Variants in LRRC4C observed in about 807,000 individuals in gnomAD.
LRRC4C encodes leucine rich repeat containing 4C.
In LRRC4C, 5 loss-of-function variants were observed where a neutral mutation model predicts 33.6. The observed-to-expected ratio is 0.15, with a 90% CI of 0.08 to 0.31. LRRC4C has a LOEUF of 0.31. Ranked by LOEUF, LRRC4C falls within the 10% of genes least tolerant of loss-of-function variation. The probability of loss-of-function intolerance (pLI) is 1.00; values close to 1 mark genes in which losing one functional copy is unlikely to be tolerated. For missense variants in LRRC4C, 560 were observed against 796.7 expected, an observed-to-expected ratio of 0.70 and a Z score of 3.58; for synonymous variants, 329 against 302.0, an observed-to-expected ratio of 1.09 and a Z score of -0.93.
intron 1 of LRRC4C, among the ~76,000 whole-genome samples, chr11:41,028,354 A>G (rs1377596731): frequency 6.6e-6 from 1 of 151,706 alleles, no homozygotes; most frequent in Non-Finnish European, 1.5e-5. Flanking sequence ...TTGATTAAAT[A>G]GTAAGAATCT....
At chr11:40,147,703 AAC>A (rs993967119) in intron 5 of LRRC4C, among the ~76,000 whole-genome samples, 1 of 152,170 alleles carries the variant, frequency 6.6e-6, no homozygotes, top group Middle Eastern at 3.2e-3. Flanking sequence ...ATAATTAAAA[AAC>A]AGAATAATTG....
chr11:40,652,676 T>A (rs546146876), intron 2 of LRRC4C, among the ~76,000 whole-genome samples: 2 of 152,324 alleles, frequency 1.3e-5, no homozygotes, highest in East Asian at 1.9e-4. Context: ...CTCCAACAAT[T>A]GCTTCTACCT....
chr11:40,546,779 A>G (rs1487572766), intron 3 of LRRC4C, among the ~76,000 whole-genome samples: 1 of 152,088 alleles, frequency 6.6e-6, no homozygotes, highest in Non-Finnish European at 1.5e-5. Context: ...TTTCATACGC[A>G]CAACTGGGGA....
At chr11:41,129,259 T>C (rs1039700813) in intron 1 of LRRC4C, among the ~76,000 whole-genome samples, 1 of 151,964 alleles carries the variant, frequency 6.6e-6, no homozygotes, top group Non-Finnish European at 1.5e-5. Flanking sequence ...CCGTACCAAC[T>C]GCGAAGTGCA....
chr11:40,705,964 G>A (rs1946149616), intron 2 of LRRC4C, among the ~76,000 whole-genome samples: 1 of 152,140 alleles, frequency 6.6e-6, no homozygotes, highest in Non-Finnish European at 1.5e-5. Flanking sequence ...CAGTGATGAT[G>A]AGCATTTTTT....
At chr11:40,277,616 C>T (rs181426800) in intron 4 of LRRC4C, among the ~76,000 whole-genome samples, 249 of 152,072 alleles carry the variant, frequency 1.6e-3, no homozygotes, top group African/African-American at 5.8e-3. Context: ...TGAGAGGCAG[C>T]TCAGCATAGT....
chr11:40,761,549 C>G (rs940977358), intron 2 of LRRC4C, among the ~76,000 whole-genome samples: 1 of 152,076 alleles, frequency 6.6e-6, no homozygotes, highest in Admixed American at 6.6e-5. Flanking sequence ...AAATATGGTC[C>G]TAGATCTCTT....
At chr11:40,808,136 G>C (rs541725167) in intron 2 of LRRC4C, among the ~76,000 whole-genome samples, 1 of 152,124 alleles carries the variant, frequency 6.6e-6, no homozygotes, top group East Asian at 1.9e-4. Flanking sequence ...ACAAGAGTAA[G>C]AAATGTAGTA....
chr11:41,259,172 C>T (rs924731120), intron 1 of LRRC4C, among the ~76,000 whole-genome samples: 5 of 151,998 alleles, frequency 3.3e-5, no homozygotes, highest in African/African-American at 4.8e-5. Flanking sequence ...CTGGTGAGTT[C>T]GAACTTCTCA....
intron 3 of LRRC4C, among the ~76,000 whole-genome samples, chr11:40,430,095 G>A (rs1362821178): frequency 6.6e-6 from 1 of 152,090 alleles, no homozygotes; most frequent in Non-Finnish European, 1.5e-5. Flanking sequence ...GCAGAGCTTG[G>A]TATCTCCAAT....
At chr11:40,423,719 G>A (rs541492247) in intron 3 of LRRC4C, among the ~76,000 whole-genome samples, 1 of 152,164 alleles carries the variant, frequency 6.6e-6, no homozygotes, top group African/African-American at 2.4e-5. Flanking sequence ...CTTTTGTCTT[G>A]CTTGTTTAGG....
At chr11:41,220,955 C>A (rs1460061250) in intron 1 of LRRC4C, among the ~76,000 whole-genome samples, 1 of 152,114 alleles carries the variant, frequency 6.6e-6, no homozygotes, top group African/African-American at 2.4e-5. Flanking sequence ...CTGATGATTT[C>A]TCTTGGTTCA....
chr11:40,718,572 T>C (rs1460157245), intron 2 of LRRC4C, among the ~76,000 whole-genome samples: 1 of 152,200 alleles, frequency 6.6e-6, no homozygotes, highest in African/African-American at 2.4e-5. Context: ...GTTATGTATT[T>C]CTAAGAGCAG....
chr11:41,374,255 A>G (rs1158867921), intron 1 of LRRC4C, among the ~76,000 whole-genome samples: 1 of 152,198 alleles, frequency 6.6e-6, no homozygotes, highest in Non-Finnish European at 1.5e-5. Flanking sequence ...AGAAATACTC[A>G]GTATCACCAA....
chr11:40,830,814 AT>A (rs1952379618), intron 2 of LRRC4C, among the ~76,000 whole-genome samples: 3 of 152,102 alleles, frequency 2.0e-5, no homozygotes, highest in Non-Finnish European at 1.5e-5. Flanking sequence ...AATAAAAAGA[AT>A]TGTTTCTTTC....
At chr11:40,176,647 C>T (rs1008256898) in intron 5 of LRRC4C, among the ~76,000 whole-genome samples, 8 of 151,686 alleles carry the variant, frequency 5.3e-5, no homozygotes, top group African/African-American at 9.7e-5. Flanking sequence ...CTCAAGCAAT[C>T]CTCCAGCCTC....
At chr11:40,337,855 C>T (rs1055529821) in intron 3 of LRRC4C, among the ~76,000 whole-genome samples, 2 of 152,192 alleles carry the variant, frequency 1.3e-5, no homozygotes, top group Admixed American at 1.3e-4. Flanking sequence ...TCTGATACGC[C>T]CCAGTGTGCG....
At chr11:40,701,621 A>G (rs958328515) in intron 2 of LRRC4C, among the ~76,000 whole-genome samples, 1 of 149,024 alleles carries the variant, frequency 6.7e-6, no homozygotes, top group Non-Finnish European at 1.5e-5. Flanking sequence ...ATATGTATAC[A>G]TATATACATG....
rs186839230 is a variant in LRRC4C at position 40,390,115 on chromosome 11, C to T, written c.-269-70394G>A. ...TAAAATATCCACTCTGATCTTATAG[C>T]TGACATGTTGAAAAATCAAAACACA... On this transcript the variant is annotated intron_variant, in intron 3 of 6. Coordinates refer to ENST00000528697, the MANE Select transcript of LRRC4C (RefSeq NM_001258419.2). Among the ~76,000 whole-genome samples, 513 of 152,268 alleles carry T rather than the reference C, an allele frequency of 3.4e-3. 2 individuals are homozygous for T. Among genetic ancestry groups the T allele is most frequent in the Non-Finnish European group, 5.6e-3 (380 of 68,008 alleles).
Sources: allele counts gnomAD v4.1 joint callset (sites outside exome capture counted in the v4.1 genomes callset), GRCh38; gene constraint gnomAD v4.1.1; transcripts MANE v1.5; gene names NCBI Gene and HGNC (gene_info 2026-07-23, HGNC 2026-07-21).